Variants in CES5A observed in about 807,000 individuals in gnomAD.
The protein encoded by CES5A is carboxylesterase 5A, also known as carboxylesterase 5.
Under a neutral mutation model 62.9 loss-of-function variants are expected in CES5A, and 67 were observed. The ratio of observed to expected loss-of-function variants is 1.07; its 90% confidence interval spans 0.88 to 1.31. The LOEUF (loss-of-function observed/expected upper bound fraction) is 1.31. Ranked by LOEUF, CES5A falls within the 50% of genes most tolerant of loss-of-function variation. The pLI, the probability that CES5A is intolerant of heterozygous loss-of-function variation, is 0.00. For synonymous variants in CES5A, 296 were observed against 280.8 expected (o/e 1.05, Z -0.54); for missense variants, 748 against 708.5 (o/e 1.06, Z -0.63).
intron 2 of CES5A, among the ~76,000 whole-genome samples, chr16:55,948,435 C>A (rs185914090): frequency 6.6e-6 from 1 of 152,006 alleles, no homozygotes; most frequent in East Asian, 1.9e-4. Flanking sequence ...AGGAAGAAGT[C>A]GAATATAAAT....
chr16:55,867,440 A>C (rs1468481518), intron 4 of CES5A, among the ~76,000 whole-genome samples: 2 of 152,206 alleles, frequency 1.3e-5, no homozygotes, highest in African/African-American at 4.8e-5. Flanking sequence ...GCATGCATGC[A>C]GTGCACGTCA....
intron 1 of CES5A, among the ~76,000 whole-genome samples, chr16:55,906,969 G>A (rs1385486756): frequency 6.6e-6 from 1 of 152,204 alleles, no homozygotes; most frequent in Non-Finnish European, 1.5e-5. Flanking sequence ...AAATGGAGAG[G>A]AATAGTCTCT....
At chr16:55,944,423 C>T (rs1249607362) in intron 2 of CES5A, 2 of 269,452 alleles carry the variant, frequency 7.4e-6, no homozygotes, top group Non-Finnish European at 1.4e-5. Flanking sequence ...CCCTGCAGTG[C>T]GGTCCAACCT....
chr16:55,903,928 A>G (rs1442823443), intron 1 of CES5A, among the ~76,000 whole-genome samples: 1 of 152,238 alleles, frequency 6.6e-6, no homozygotes, highest in Non-Finnish European at 1.5e-5. Flanking sequence ...AGATGGGGAA[A>G]ACGTTGCAAG....
intron 2 of CES5A, among the ~76,000 whole-genome samples, chr16:55,934,167 T>A (rs1294669951): frequency 6.6e-6 from 1 of 152,204 alleles, no homozygotes; most frequent in Non-Finnish European, 1.5e-5. Flanking sequence ...CTTTACTCTA[T>A]CAACACTTTT....
upstream of CES5A, among the ~76,000 whole-genome samples, chr16:55,926,413 C>T (rs2034258104): frequency 6.6e-6 from 1 of 152,156 alleles, no homozygotes. Flanking sequence ...GTTCAAGATA[C>T]TTTTGTAAGC....
intron 2 of CES5A, among the ~76,000 whole-genome samples, chr16:55,930,996 T>C (rs1259192274): frequency 1.3e-5 from 2 of 152,162 alleles, no homozygotes; most frequent in South Asian, 4.1e-4. Context: ...TTCTGTAAGG[T>C]TGGACATTTT....
intron 1 of CES5A, among the ~76,000 whole-genome samples, chr16:55,920,036 C>T (rs1469194879): frequency 6.6e-6 from 1 of 152,152 alleles, no homozygotes; most frequent in African/African-American, 2.4e-5. Context: ...ACCACCCTTC[C>T]CCCACCAGCA....
intron 2 of CES5A, among the ~76,000 whole-genome samples, chr16:55,941,324 T>C (rs1230334507): frequency 6.6e-6 from 1 of 152,090 alleles, no homozygotes; most frequent in Non-Finnish European, 1.5e-5. Context: ...AAATCAATCA[T>C]ATTGCTATAT....
intron 2 of CES5A, among the ~76,000 whole-genome samples, chr16:55,936,144 T>C (rs564422454): frequency 6.6e-6 from 1 of 152,270 alleles, no homozygotes; most frequent in Non-Finnish European, 1.5e-5. Flanking sequence ...TCACCTCCAA[T>C]CTTCCCAACA....
intron 2 of CES5A, among the ~76,000 whole-genome samples, chr16:55,945,645 A>G (rs1029211534): frequency 6.6e-5 from 10 of 152,192 alleles, no homozygotes; most frequent in African/African-American, 2.4e-4. Context: ...ATAGATCAGT[A>G]TTTTCCACAC....
chr16:55,922,614 C>T (rs763412088), intron 1 of CES5A, among the ~76,000 whole-genome samples: 1 of 151,902 alleles, frequency 6.6e-6, no homozygotes, highest in African/African-American at 2.4e-5. Context: ...TTTAACACCC[C>T]ACTCTTGGTA....
intron 4 of CES5A, 28 bp from the exon 5 acceptor site, chr16:55,866,144 C>T: frequency 6.3e-7 from 1 of 1,596,890 alleles, no homozygotes; most frequent in Non-Finnish European, 8.5e-7. Flanking sequence ...GGTGAGAATT[C>T]TTGGTCAGCC....
intron 12 of CES5A, 43 bp from the exon 13 acceptor site, chr16:55,846,725 C>A: frequency 6.2e-7 from 1 of 1,612,522 alleles, no homozygotes; most frequent in Non-Finnish European, 8.5e-7. Flanking sequence ...TTCCTCCTCA[C>A]ACCCCAGGCC....
chr16:55,898,897 T>C (rs971521313), intron 1 of CES5A, among the ~76,000 whole-genome samples: 3 of 152,002 alleles, frequency 2.0e-5, no homozygotes, highest in Admixed American at 6.6e-5. Context: ...GGCAGCCAAA[T>C]TGACTCTCTC....
intron 4 of CES5A, among the ~76,000 whole-genome samples, chr16:55,867,737 G>A (rs1339291107): frequency 6.6e-6 from 1 of 152,218 alleles, no homozygotes; most frequent in Non-Finnish European, 1.5e-5. Flanking sequence ...TTATCTGGGT[G>A]ACCTTGGGCA....
chr16:55,917,657 C>G (rs1251203391), intron 1 of CES5A, among the ~76,000 whole-genome samples: 1 of 152,144 alleles, frequency 6.6e-6, no homozygotes, highest in Non-Finnish European at 1.5e-5. Flanking sequence ...AGAAAGAGTA[C>G]CCAAAACAGA....
chr16:55,849,600 T>C (rs374010069), intron 11 of CES5A, 24 bp downstream of exon 11: 4 of 1,612,824 alleles, frequency 2.5e-6, no homozygotes, highest in Non-Finnish European at 3.4e-6. Flanking sequence ...TCATGTGAAC[T>C]GTGGGAAGTG....
At position 55,866,002 on chromosome 16, in the gene CES5A, G is replaced by A; in HGVS notation, c.666C>T (p.Ile222=). Residue 222 remains isoleucine (I), a synonymous_variant, in exon 5 of 13, where the codon ATC becomes ATT. Transcript: ENST00000290567. ...TTATGGCTCCCGCGGACTCGCCAAA[G>A]ATGGTCACAGAGCTGGGGTCCCCAC... ...FFGGDPSSVT[I]FGESAGAISV... 6 of 1,614,212 alleles carry A rather than the reference G, an allele frequency of 3.7e-6. No homozygotes were observed. The highest frequency in any genetic ancestry group is 4.2e-6 in the Non-Finnish European group (5 of 1,180,026).
Sources: allele counts gnomAD v4.1 joint callset (sites outside exome capture counted in the v4.1 genomes callset), GRCh38; gene constraint gnomAD v4.1.1; transcripts MANE v1.5; gene names NCBI Gene and HGNC (gene_info 2026-07-23, HGNC 2026-07-21).